The following HECW1 variants were observed in gnomAD, a reference collection of about 807,000 sequenced individuals.
HECW1 encodes the protein HECT, C2 and WW domain containing E3 ubiquitin protein ligase 1, also known as E3 ubiquitin-protein ligase HECW1.
Under a neutral mutation model 182.3 loss-of-function variants are expected in HECW1, and 61 were observed. The ratio of observed to expected loss-of-function variants is 0.33; its 90% CI spans 0.27 to 0.41. The LOEUF is 0.41. HECW1 is among the 10% of genes least tolerant of loss of function. The pLI is 1.00. For synonymous variants in HECW1, 859 were observed against 832.6 expected (o/e 1.03, Z -0.55); for missense variants, 1,739 against 2,108.9 (o/e 0.82, Z 3.44).
chr7:43,170,862 C>T (rs192009024), intron 2 of HECW1, among the ~76,000 whole-genome samples: 330 of 152,158 alleles, frequency 2.2e-3, no homozygotes, highest in African/African-American at 7.5e-3. Context: ...GAAAGTAGGG[C>T]GGAGCAGCAC....
chr7:43,127,850 T>A (rs1331776071), intron 2 of HECW1, among the ~76,000 whole-genome samples: 1 of 151,554 alleles, frequency 6.6e-6, no homozygotes, highest in African/African-American at 2.4e-5. Flanking sequence ...GTAAGATCAT[T>A]GATGAAGGTG....
chr7:43,152,535 A>G (rs1343069579), intron 2 of HECW1, among the ~76,000 whole-genome samples: 8 of 152,124 alleles, frequency 5.3e-5, no homozygotes, highest in Non-Finnish European at 1.2e-4. Context: ...TTCCTGTTTC[A>G]TGGATGAGCT....
At chr7:43,329,034 G>A (rs1005909741) in intron 5 of HECW1, among the ~76,000 whole-genome samples, 5 of 152,170 alleles carry the variant, frequency 3.3e-5, no homozygotes, top group Admixed American at 1.3e-4. Context: ...ATTACACTGG[G>A]GAGACAAGCA....
rs1323508364 is a variant in HECW1 at position 43,508,969 on chromosome 7, C to T, written c.3867C>T (p.Gly1289=). The T allele has an allele frequency of 1.2e-6, 2 of 1,613,326 alleles. No individual in the cohort carries two copies. The highest frequency in any genetic ancestry group is 1.7e-6 in the Non-Finnish European group (2 of 1,179,776). The stretch of plus-strand genomic sequence containing the variant: ...TCCTGGACCTCTGCTTTCTTTGCAG[C>T]CTGGACTACAGTGGCCCCTCGCGGG... ...KLYVTFVGEE[G]LDYSGPSREF... is the part of the protein sequence containing the mutation. Residue 1289 remains glycine (G), a splice_region_variant and synonymous_variant, in exon 24 of 30, where the codon GGC becomes GGT. Coordinates refer to ENST00000395891, the MANE Select transcript of HECW1 (RefSeq NM_015052.5).
At chr7:43,306,550 T>C (rs192459392) in intron 3 of HECW1, among the ~76,000 whole-genome samples, 34 of 152,336 alleles carry the variant, frequency 2.2e-4, no homozygotes, top group Admixed American at 2.1e-3. Flanking sequence ...CCTCATCTTA[T>C]ATACTTTAAT....
chr7:43,280,976 G>A (rs1226389981), intron 3 of HECW1, among the ~76,000 whole-genome samples: 3 of 151,590 alleles, frequency 2.0e-5, no homozygotes, highest in Non-Finnish European at 2.9e-5. Flanking sequence ...CTCTTTTCCC[G>A]TTTTGTTTGG....
chr7:43,459,221 G>A (rs1175857254), intron 13 of HECW1, among the ~76,000 whole-genome samples: 2 of 152,110 alleles, frequency 1.3e-5, no homozygotes, highest in African/African-American at 4.8e-5. Flanking sequence ...GCCTGCCTCT[G>A]TGCCTGTTCT....
In HECW1 at chr7:43,264,662, A is replaced by G. The variant is rs147109571; in HGVS notation, c.27+20730A>G. ...AGACCAAGACCATCCTGGCTAACAC[A>G]GTGAACCCCGTCTCTACTAAAAATA... is the stretch of plus-strand genomic sequence containing the variant. On this transcript the variant is annotated intron_variant, in intron 3 of 29. Coordinates refer to ENST00000395891, the MANE Select transcript of HECW1 (RefSeq NM_015052.5). Among the ~76,000 whole-genome samples, 1,070 of 152,048 alleles carry G rather than the reference A, an allele frequency of 7.0e-3. 6 individuals are homozygous for G. Among genetic ancestry groups the G allele is most frequent in the South Asian group, 0.021 (103 of 4,802 alleles).
chr7:43,281,696 TTC>T (rs892418925), intron 3 of HECW1, among the ~76,000 whole-genome samples: 4 of 150,958 alleles, frequency 2.6e-5, no homozygotes, highest in African/African-American at 9.7e-5. Context: ...TCTTTTTCTG[TTC>T]TCTTTCTTTG....
chr7:43,344,314 TAGTCATGA>T (rs1813402126), intron 5 of HECW1, among the ~76,000 whole-genome samples: 1 of 151,826 alleles, frequency 6.6e-6, no homozygotes, highest in Admixed American at 6.5e-5. Flanking sequence ...TTTGGTGTTT[TAGTCATGA>T]AGTCCTCTGG....
intron 28 of HECW1, among the ~76,000 whole-genome samples, chr7:43,553,592 C>T (rs1374853048): frequency 6.6e-6 from 1 of 150,588 alleles, no homozygotes; most frequent in African/African-American, 2.4e-5. Context: ...TCCCTTGAAC[C>T]CGGGAGGCAG....
chr7:43,370,889 T>C (rs1243403231), intron 6 of HECW1, among the ~76,000 whole-genome samples: 1 of 140,114 alleles, frequency 7.1e-6, no homozygotes, highest in African/African-American at 2.6e-5. Context: ...AATGATATTC[T>C]TTTTTTTTTT....
intron 3 of HECW1, among the ~76,000 whole-genome samples, chr7:43,246,464 G>A (rs1305324877): frequency 2.0e-5 from 3 of 152,134 alleles, no homozygotes; most frequent in Non-Finnish European, 2.9e-5. Context: ...GGGGTACATC[G>A]CAAACCACCA....
intron 11 of HECW1, among the ~76,000 whole-genome samples, chr7:43,449,565 A>G (rs2077166894): frequency 1.3e-5 from 2 of 152,200 alleles, no homozygotes; most frequent in South Asian, 4.1e-4. Flanking sequence ...AGAAATAACC[A>G]TCCTTTCCAT....
chr7:43,362,164 A>G (rs1465600193), intron 6 of HECW1, among the ~76,000 whole-genome samples: 1 of 151,364 alleles, frequency 6.6e-6, no homozygotes, highest in Non-Finnish European at 1.5e-5. Flanking sequence ...AGAGAGAGAG[A>G]AAGTATTTGA....
Position 43,501,599 on chromosome 7 carries a change from C to G in HECW1, c.3631+277C>G, listed in dbSNP as rs948290459. Among the ~76,000 whole-genome samples, 4 of 152,020 alleles carry G rather than the reference C, an allele frequency of 2.6e-5. No individual in the cohort carries two copies. The East Asian group carries it at 7.8e-4, about 29-fold the overall frequency. On this transcript the variant is annotated intron_variant, in intron 21 of 29. Transcript: ENST00000395891. Reference sequence around the variant, plus strand: ...AATCCCAGGGCTTTGGGAGGCCAAGCCAGAAGGATCACTTGAGTCCAGGAG... The same window carrying G: ...AATCCCAGGGCTTTGGGAGGCCAAGGCAGAAGGATCACTTGAGTCCAGGAG...
At chr7:43,558,507 C>A (rs534697720) in intron 29 of HECW1, among the ~76,000 whole-genome samples, 1 of 152,108 alleles carries the variant, frequency 6.6e-6, no homozygotes, top group Non-Finnish European at 1.5e-5. Context: ...CCTCTTCCCC[C>A]GCAAGAGGCA....
At chr7:43,377,961 A>G (rs1411570690) in intron 6 of HECW1, 2 of 182,822 alleles carry the variant, frequency 1.1e-5, no homozygotes, top group Non-Finnish European at 2.3e-5. Context: ...GACCCTTAGC[A>G]TTAATGCTCA....
intron 24 of HECW1, among the ~76,000 whole-genome samples, chr7:43,526,259 T>C (rs2080752283): frequency 6.6e-6 from 1 of 152,234 alleles, no homozygotes; most frequent in African/African-American, 2.4e-5. Context: ...AATTACAGAA[T>C]GCTACATCAG....
Sources: gnomAD v4.1 joint callset for allele counts (sites outside exome capture counted in the v4.1 genomes callset) on GRCh38, gnomAD v4.1.1 for gene constraint, MANE v1.5 for transcripts, NCBI Gene and HGNC (gene_info 2026-07-23, HGNC 2026-07-21) for gene names.